The following ANKS1B variants were observed in gnomAD, a reference collection of about 807,000 sequenced individuals.
ANKS1B encodes ankyrin repeat and sterile alpha motif domain-containing protein 1B.
Under a neutral mutation model 148.3 loss-of-function variants are expected in ANKS1B, and 36 were observed. The observed-to-expected ratio is 0.24, with a 90% confidence interval of 0.19 to 0.32. The LOEUF is 0.32. Among genes scored for constraint, ANKS1B ranks in the 10% least tolerant of loss-of-function variants. The pLI is 1.00. For synonymous variants in ANKS1B, 542 were observed against 560.8 expected (o/e 0.97, Z 0.47); for missense variants, 1,157 against 1,542.6 (o/e 0.75, Z 4.19).
At chr12:99,193,575 T>C (rs968831321) in intron 14 of ANKS1B, among the ~76,000 whole-genome samples, 1 of 152,150 alleles carries the variant, frequency 6.6e-6, no homozygotes, top group African/African-American at 2.4e-5. Context: ...GTTAAATACA[T>C]TATGCATTTT....
intron 14 of ANKS1B, among the ~76,000 whole-genome samples, chr12:99,223,635 C>G (rs1386381251): frequency 6.6e-6 from 1 of 152,182 alleles, no homozygotes; most frequent in East Asian, 1.9e-4. Context: ...ACCTGCTGCT[C>G]ACTTCCTGCT....
intron 17 of ANKS1B, chr12:98,894,999 C>T: frequency 1.2e-6 from 1 of 809,050 alleles, no homozygotes; most frequent in Non-Finnish European, 1.5e-6. Flanking sequence ...GCAGCGGCGG[C>T]GGCGGCGGCG....
intron 12 of ANKS1B, among the ~76,000 whole-genome samples, chr12:99,286,185 C>A (rs1398175438): frequency 4.0e-5 from 6 of 151,522 alleles, no homozygotes; most frequent in Non-Finnish European, 8.8e-5. Context: ...GAGAGGAGGA[C>A]TTCGTTTTTC....
intron 8 of ANKS1B, among the ~76,000 whole-genome samples, chr12:99,677,303 C>A (rs2098581495): frequency 6.6e-6 from 1 of 152,160 alleles, no homozygotes; most frequent in African/African-American, 2.4e-5. Context: ...ATCTTAAAAG[C>A]AGTACCACTT....
chr12:99,595,432 TTC>T (rs760834514), intron 9 of ANKS1B, among the ~76,000 whole-genome samples: 5 of 151,966 alleles, frequency 3.3e-5, no homozygotes, highest in Non-Finnish European at 5.9e-5. Context: ...ATTTTATATA[TTC>T]TTTTTCTAGT....
chr12:99,626,848 A>C (rs2098116329), intron 9 of ANKS1B, among the ~76,000 whole-genome samples: 1 of 152,198 alleles, frequency 6.6e-6, no homozygotes, highest in African/African-American at 2.4e-5. Context: ...GGTCAGGTGT[A>C]TTATGATCCG....
intron 1 of ANKS1B, among the ~76,000 whole-genome samples, chr12:99,918,617 A>G (rs7971138): frequency 0.12 from 18,231 of 152,124 alleles, 1,453 homozygotes; most frequent in Middle Eastern, 0.19. Context: ...CTCTACTCTA[A>G]ATTATCTGTT....
chr12:99,804,755 T>C (rs1340280360), intron 4 of ANKS1B, among the ~76,000 whole-genome samples: 1 of 152,172 alleles, frequency 6.6e-6, no homozygotes, highest in Non-Finnish European at 1.5e-5. Context: ...TCCAACTCCT[T>C]GAATATGGGT....
intron 4 of ANKS1B, among the ~76,000 whole-genome samples, chr12:99,797,549 A>T (rs1410488990): frequency 1.3e-5 from 2 of 151,328 alleles, no homozygotes; most frequent in African/African-American, 2.4e-5. Flanking sequence ...TTAATCATTT[A>T]AAAAAAACAA....
chr12:99,884,191 T>C, intron 1 of ANKS1B, among the ~76,000 whole-genome samples: 1 of 152,004 alleles, frequency 6.6e-6, no homozygotes, highest in Non-Finnish European at 1.5e-5. Context: ...TTAGAAAATG[T>C]AAATAAAAAT....
chr12:99,483,362 G>T (rs1375845140), intron 10 of ANKS1B, among the ~76,000 whole-genome samples: 1 of 151,916 alleles, frequency 6.6e-6, no homozygotes, highest in Admixed American at 6.6e-5. Flanking sequence ...ACTTGATCAT[G>T]ATGAATTATC....
chr12:99,765,497 A>G (rs1266228892), intron 8 of ANKS1B, among the ~76,000 whole-genome samples: 2 of 152,200 alleles, frequency 1.3e-5, no homozygotes, highest in African/African-American at 2.4e-5. Flanking sequence ...GAATCTAAAT[A>G]TAAGATTTTA....
chr12:99,750,021 C>A (rs1195025760), intron 8 of ANKS1B, among the ~76,000 whole-genome samples: 1 of 151,996 alleles, frequency 6.6e-6, no homozygotes, highest in East Asian at 1.9e-4. Flanking sequence ...GACTTGTCCA[C>A]CAGACAGTAC....
chr12:99,726,366 A>G (rs1642554781), intron 8 of ANKS1B, among the ~76,000 whole-genome samples: 1 of 152,224 alleles, frequency 6.6e-6, no homozygotes, highest in Non-Finnish European at 1.5e-5. Context: ...CTCTATGCAA[A>G]TAAACTAGAA....
intron 8 of ANKS1B, among the ~76,000 whole-genome samples, chr12:99,665,437 C>T (rs1229357531): frequency 2.0e-5 from 3 of 151,916 alleles, no homozygotes; most frequent in Admixed American, 2.0e-4. Flanking sequence ...GGCCATTTAC[C>T]TTCTTCTTTG....
At chr12:99,187,742 C>G (rs1052800498) in intron 14 of ANKS1B, among the ~76,000 whole-genome samples, 2 of 152,142 alleles carry the variant, frequency 1.3e-5, no homozygotes, top group Admixed American at 6.5e-5. Context: ...AAAAACATAC[C>G]AAATTGTAAA....
intron 15 of ANKS1B, among the ~76,000 whole-genome samples, chr12:99,126,173 T>C (rs1233091370): frequency 6.6e-6 from 1 of 152,128 alleles, no homozygotes; most frequent in Non-Finnish European, 1.5e-5. Context: ...TTATGAATAG[T>C]TTTTGGAGTT....
At chr12:99,684,953 A>C (rs1051428909) in intron 8 of ANKS1B, among the ~76,000 whole-genome samples, 1 of 152,200 alleles carries the variant, frequency 6.6e-6, no homozygotes, top group Non-Finnish European at 1.5e-5. Context: ...CTTAAATCTA[A>C]CACCTGAAAC....
intron 8 of ANKS1B, among the ~76,000 whole-genome samples, chr12:99,766,999 A>G (rs569118350): frequency 2.2e-4 from 34 of 152,224 alleles, no homozygotes; most frequent in Non-Finnish European, 4.1e-4. Flanking sequence ...GACTCTACTG[A>G]TCTTTAAAAC....
Sources: allele counts gnomAD v4.1 joint callset (sites outside exome capture counted in the v4.1 genomes callset), GRCh38; gene constraint gnomAD v4.1.1; transcripts MANE v1.5; gene names NCBI Gene and HGNC (gene_info 2026-07-23, HGNC 2026-07-21).